The following ITGB4 variants were observed in gnomAD, a reference collection of about 807,000 sequenced individuals.
The protein encoded by ITGB4 is integrin subunit beta 4, also known as integrin beta-4.
Under a neutral mutation model 207.6 loss-of-function variants are expected in ITGB4, and 159 were observed. The ratio of observed to expected loss-of-function variants is 0.77; its 90% confidence interval spans 0.67 to 0.87. ITGB4 has a LOEUF of 0.87. ITGB4 is among the 40% of genes least tolerant of loss of function. The pLI is 0.00. For synonymous variants in ITGB4, 1,020 were observed against 1,062.7 expected, an observed-to-expected ratio of 0.96 and a Z score of 0.78; for missense variants, 2,278 against 2,546.8, an observed-to-expected ratio of 0.89 and a Z score of 2.27.
intron 2 of ITGB4, among the ~76,000 whole-genome samples, 198 bp from the exon 3 acceptor site, chr17:75,726,997 C>T (rs189446661): frequency 7.2e-4 from 109 of 151,054 alleles, no homozygotes; most frequent in Non-Finnish European, 1.4e-3. Flanking sequence ...GGCGTGAACA[C>T]GGGTGGTGGA....
intron 23 of ITGB4, among the ~76,000 whole-genome samples, chr17:75,741,925 A>G (rs2061120810): frequency 6.6e-6 from 1 of 152,186 alleles, no homozygotes; most frequent in African/African-American, 2.4e-5. Flanking sequence ...CCTGTGAGGT[A>G]GAGATCACTG....
Position 75,728,430 on chromosome 17 carries a change from G to A in ITGB4, c.523G>A (p.Val175Met). The A allele has an allele frequency of 6.2e-7, 1 of 1,614,192 alleles. No homozygotes were observed. The highest frequency in any genetic ancestry group is 8.5e-7 in the Non-Finnish European group (1 of 1,180,022). Residue 175 changes from valine to methionine, a missense_variant, in exon 6 of 40, where the codon GTG (valine) becomes ATG (methionine). Physicochemically the swap from Val to Met is conservative, Grantham distance 21. Coordinates refer to ENST00000200181, the MANE Select transcript of ITGB4 (RefSeq NM_000213.5). The part of the protein sequence containing the change: ...SDYTIGFGKF[V>M]DKVSVPQTDM... ...CTACACTATTGGATTTGGCAAGTTTGTGGACAAAGTCAGCGTCCCGCAGAC... is the reference window on the plus strand; with the variant it reads ...CTACACTATTGGATTTGGCAAGTTTATGGACAAAGTCAGCGTCCCGCAGAC...
At position 75,729,815 on chromosome 17, in the gene ITGB4, T is replaced by C. The variant is rs2060811280; in HGVS notation, c.738+379T>C. Among the ~76,000 whole-genome samples, 1 of 152,212 alleles carries C rather than the reference T, an allele frequency of 6.6e-6. No individual in the cohort carries two copies. The highest frequency in any genetic ancestry group is 1.5e-5 in the Non-Finnish European group (1 of 68,028). On this transcript the variant is annotated intron_variant, in intron 7 of 39. Transcript: ENST00000200181. This position sits in a 1 kb window ranked among gnomAD's most constrained non-coding sequence, Gnocchi z 4.4. ...TTGATATGTACATCCATTTGTTCAT[T>C]CTGAAAATGACATACCCATATTACT... is the stretch of plus-strand genomic sequence containing the variant.
intron 13 of ITGB4, among the ~76,000 whole-genome samples, chr17:75,735,786 G>T (rs2060962286): frequency 6.6e-6 from 1 of 152,162 alleles, no homozygotes; most frequent in Non-Finnish European, 1.5e-5. Flanking sequence ...ACCCATTAGA[G>T]GTTCTTAGCC....
chr17:75,754,464 A>G, intron 33 of ITGB4, 112 bp from the exon 34 acceptor site: 1 of 1,401,328 alleles, frequency 7.1e-7, no homozygotes, highest in African/African-American at 1.4e-5. Flanking sequence ...GGTTGTATTT[A>G]AGCAAAAGCC....
chr17:75,757,187 C>G lies in ITGB4; in HGVS notation c.5219-13C>G, dbSNP rs375114301. On this transcript the variant is annotated splice_polypyrimidine_tract_variant and intron_variant, in intron 38 of 39. Coordinates refer to ENST00000200181, the MANE Select transcript of ITGB4 (RefSeq NM_000213.5). ...TGGCACCACCCTCTGACTGGCCTAT[C>G]TGCCCACCCCAGGACCCTTCCCGCA... The G allele has an allele frequency of 1.2e-5, 20 of 1,612,596 alleles. No homozygotes were observed. The highest frequency in any genetic ancestry group is 1.6e-5 in the Non-Finnish European group (19 of 1,179,970).
At position 75,731,870 on chromosome 17, in the gene ITGB4, A is replaced by C. The variant is rs1401385027; in HGVS notation, c.1274A>C (p.Gln425Pro). 2.5e-6 allele frequency: 4 copies of C among 1,613,692 alleles called. No homozygotes were observed. The East Asian group carries it at 8.9e-5, about 36-fold the overall frequency. ...LEHVDGTHVC[Q>P]LPEDQKGNIH... Reference sequence around the variant, plus strand: ...CACGTGGATGGGACGCACGTGTGCCAGCTGCCGGAGGACCAGAAGGGCAAC... The same window carrying C: ...CACGTGGATGGGACGCACGTGTGCCCGCTGCCGGAGGACCAGAAGGGCAAC... Residue 425 changes from glutamine (Q) to proline (P), a missense_variant, in exon 11 of 40, where the codon CAG (glutamine) becomes CCG (proline). Gln to Pro is a moderately conservative substitution (Grantham distance 76). Transcript: ENST00000200181. The surrounding 1 kb of genome is among the most constrained non-coding windows in gnomAD (Gnocchi z 6.8).
chr17:75,748,661 T>C (rs1454977752), intron 26 of ITGB4, among the ~76,000 whole-genome samples, 180 bp from the exon 27 acceptor site: 1 of 150,924 alleles, frequency 6.6e-6, no homozygotes, highest in Non-Finnish European at 1.5e-5. Flanking sequence ...CAGAGTGAGA[T>C]TACGCCTCAA....
In ITGB4 at chr17:75,756,969, G is replaced by A; in HGVS notation, c.5080G>A (p.Gly1694Arg). ...GGPATAFRVD[G>R]DSPESRLTVP... is the part of the protein sequence containing the mutation. The stretch of plus-strand genomic sequence containing the variant: ...GCCAGCCACCGCATTCCGGGTGGAT[G>A]GAGACAGCCCCGAGAGCCGGCTGAC... Residue 1694 changes from glycine to arginine, a missense_variant, in exon 38 of 40, where the codon GGA becomes AGA. Coordinates refer to ENST00000200181, the MANE Select transcript of ITGB4 (RefSeq NM_000213.5). The A allele has an allele frequency of 6.2e-7, 1 of 1,612,754 alleles. No individual in the cohort carries two copies. Among genetic ancestry groups the A allele is most frequent in the Non-Finnish European group, 8.5e-7 (1 of 1,179,944 alleles).
intron 37 of ITGB4, 29 bp from the exon 38 acceptor site, chr17:75,756,914 C>T (rs748319749): frequency 3.1e-6 from 5 of 1,612,316 alleles, no homozygotes; most frequent in Non-Finnish European, 3.4e-6. Context: ...GAGGGGGCCG[C>T]AGACGCTGAA....
chr17:75,726,006 G>A (rs1213793146), intron 2 of ITGB4, among the ~76,000 whole-genome samples: 1 of 152,244 alleles, frequency 6.6e-6, no homozygotes, highest in Non-Finnish European at 1.5e-5. Context: ...AGGCCAGGGG[G>A]TGGCCAGGGT....
At position 75,731,985 on chromosome 17, in the gene ITGB4, C is replaced by T. The variant is rs2060871202; in HGVS notation, c.1377+12C>T. The T allele has an allele frequency of 6.2e-7, 1 of 1,613,810 alleles. No individual in the cohort carries two copies. Among genetic ancestry groups the T allele is most frequent in the South Asian group, 1.1e-5 (1 of 91,088 alleles). On this transcript the variant is annotated intron_variant, in intron 11 of 39. Coordinates refer to ENST00000200181, the MANE Select transcript of ITGB4 (RefSeq NM_000213.5). This position sits in a 1 kb window ranked among gnomAD's most constrained non-coding sequence, Gnocchi z 6.8. ...GCACCTGCGAGCTGGTACAACGCAG[C>T]CCCGCAGGGCGGGAGGGGAGAGCTG...
In ITGB4 at chr17:75,750,537, C is replaced by A; in HGVS notation, c.3475-143C>A. 1.2e-6 allele frequency: 1 copy of A among 859,318 alleles called. No individual in the cohort carries two copies. Among genetic ancestry groups the A allele is most frequent in the Non-Finnish European group, 1.9e-6 (1 of 534,712 alleles). The allele number at this position is 859,318 out of a possible 1,614,324, so 53.2% of individuals were successfully genotyped here. A position where few individuals can be genotyped will look rare whatever the true frequency, so the allele number is the denominator to read the frequency against. ...CCCACCTGCTCTGCCCTAGTCCTGA[C>A]GTGTGCACATGGCAGATCTCTCAGC... On this transcript the variant is annotated intron_variant, in intron 28 of 39. Transcript: ENST00000200181. The surrounding 1 kb of genome is among the most constrained non-coding windows in gnomAD (Gnocchi z 5.5).
At chr17:75,728,519 T>C in intron 6 of ITGB4, 46 bp downstream of exon 6, 1 of 1,415,948 alleles carries the variant, frequency 7.1e-7, no homozygotes, top group Non-Finnish European at 1.0e-6. Flanking sequence ...GTCCAGGCCA[T>C]GTGACCCCCA....
chr17:75,738,589 TGAGA>T (rs375141854), intron 18 of ITGB4, among the ~76,000 whole-genome samples: 59 of 152,342 alleles, frequency 3.9e-4, no homozygotes, highest in African/African-American at 1.3e-3. Context: ...GCCAGATCCC[TGAGA>T]GCACCTGCTC....
In ITGB4 at chr17:75,729,372, T is replaced by G; in HGVS notation, c.674T>G (p.Ile225Ser). The change falls in exon 7 of 40, where the codon ATC becomes AGC. Residue 225 changes from isoleucine (I) to serine (S), a missense_variant. Physicochemically the swap from Ile to Ser is moderately radical, Grantham distance 142. Coordinates refer to ENST00000200181, the MANE Select transcript of ITGB4 (RefSeq NM_000213.5). This position sits in a 1 kb window ranked among gnomAD's most constrained non-coding sequence, Gnocchi z 4.4. ...CGGAATAAACTGCAGGGAGAGCGGA[T>G]CTCAGGCAACCTGGATGCTCCTGAG... Reference protein sequence around the residue: ...EFRNKLQGERISGNLDAPEGG... With the variant: ...EFRNKLQGERSSGNLDAPEGG... The G allele has an allele frequency of 6.2e-7, 1 of 1,614,134 alleles. No individual in the cohort carries two copies. Among genetic ancestry groups the G allele is most frequent in the Non-Finnish European group, 8.5e-7 (1 of 1,180,018 alleles).
At chr17:75,755,067 T>A (rs760926671) in intron 34 of ITGB4, 1 of 1,599,224 alleles carries the variant, frequency 6.3e-7, no homozygotes, top group Non-Finnish European at 8.5e-7. Context: ...CTCCCTCCCA[T>A]CTGGGAACAC....
Position 75,748,983 on chromosome 17 carries a change from A to G in ITGB4, c.3254A>G (p.Asn1085Ser). ...QVRRFHVQLS[N>S]PKFGAHLGQP... ...CGCCGTTTCCACGTCCAGCTCAGCA[A>G]CCCTAAGTTTGGGGCCCACCTGGGC... Residue 1085 changes from asparagine to serine, a missense_variant, in exon 27 of 40, where the codon AAC becomes AGC. Transcript: ENST00000200181. 1 of 1,613,316 alleles carries G rather than the reference A, an allele frequency of 6.2e-7. No homozygotes were observed. The highest frequency in any genetic ancestry group is 8.5e-7 in the Non-Finnish European group (1 of 1,179,992).
At chr17:75,747,246 A>T (rs1237174590) in intron 26 of ITGB4, among the ~76,000 whole-genome samples, 1 of 152,208 alleles carries the variant, frequency 6.6e-6, no homozygotes, top group Admixed American at 6.5e-5. Context: ...TGGGAGGCTG[A>T]GGCAGGTGGA....
Sources: gnomAD v4.1 joint callset for allele counts (sites outside exome capture counted in the v4.1 genomes callset) on GRCh38, gnomAD v4.1.1 for gene constraint, Gnocchi (gnomAD v3.1) non-coding constraint, MANE v1.5 for transcripts, NCBI Gene and HGNC (gene_info 2026-07-23, HGNC 2026-07-21) for gene names.